FSHR: variants seen among roughly 807,000 people sequenced by gnomAD.
The protein encoded by FSHR is follicle stimulating hormone receptor.
FSHR carries 46 observed loss-of-function variants against 52.1 expected under a neutral mutation model. The observed-to-expected ratio is 0.88, with a 90% CI of 0.70 to 1.13. The LOEUF (loss-of-function observed/expected upper bound fraction) is 1.13, where lower values mean the gene tolerates loss of function less well. Ranked by LOEUF, FSHR falls within the 50% of genes most tolerant of loss-of-function variation. The pLI is 0.00. For missense variants in FSHR, 964 were observed against 834.6 expected (o/e 1.16, Z -1.91); for synonymous variants, 399 against 309.6 (o/e 1.29, Z -3.03).
intron 8 of FSHR, among the ~76,000 whole-genome samples, chr2:48,972,910 A>G (rs959601055): frequency 6.6e-5 from 10 of 152,320 alleles, no homozygotes; most frequent in East Asian, 1.9e-4. Flanking sequence ...ACAAATTTTT[A>G]TACTCCATGG....
intron 1 of FSHR, among the ~76,000 whole-genome samples, chr2:49,074,914 G>A (rs578214006): frequency 1.3e-5 from 2 of 152,198 alleles, no homozygotes; most frequent in East Asian, 1.9e-4. Flanking sequence ...AGGACATGAT[G>A]TTAAATGAAA....
At chr2:49,085,132 A>G (rs1483590718) in intron 1 of FSHR, among the ~76,000 whole-genome samples, 1 of 151,838 alleles carries the variant, frequency 6.6e-6, no homozygotes. Context: ...CAGCACATCA[A>G]AAAGCTTATC....
At chr2:48,980,409 C>T (rs897661841) in intron 8 of FSHR, among the ~76,000 whole-genome samples, 3 of 152,232 alleles carry the variant, frequency 2.0e-5, no homozygotes, top group African/African-American at 7.2e-5. Flanking sequence ...GATGCTTTCA[C>T]AGAGGCTCTC....
At chr2:49,138,817 A>G (rs185149453) in intron 1 of FSHR, among the ~76,000 whole-genome samples, 21 of 152,322 alleles carry the variant, frequency 1.4e-4, no homozygotes, top group African/African-American at 4.8e-4. Flanking sequence ...GCACACTTCA[A>G]ATGAGAAGAT....
intron 2 of FSHR, among the ~76,000 whole-genome samples, chr2:49,048,155 G>A (rs1028001141): frequency 2.0e-5 from 3 of 151,976 alleles, no homozygotes; most frequent in Non-Finnish European, 2.9e-5. Flanking sequence ...CAAAATGCTG[G>A]GATTACAGAT....
rs527461397 is a variant in FSHR, at chr2:48,967,221, G to A, written c.854+1477C>T. On this transcript the variant is annotated intron_variant, in intron 9 of 9. Transcript: ENST00000406846. ...AGTAATCCTCCCACTTTAGCCTCCC[G>A]AGTAGGTGGGACTACAGGCATGCGC... is the stretch of plus-strand genomic sequence containing the variant. Among the ~76,000 whole-genome samples, 89 of 152,016 alleles carry A rather than the reference G, an allele frequency of 5.9e-4. 1 individual carries two copies. The highest frequency in any genetic ancestry group is 1.8e-3 in the Admixed American group (27 of 15,276).
At chr2:48,973,272 G>A (rs1462413356) in intron 8 of FSHR, among the ~76,000 whole-genome samples, 11 of 120,488 alleles carry the variant, frequency 9.1e-5, no homozygotes, top group East Asian at 2.3e-4. Flanking sequence ...ACACACACAT[G>A]CACATGCAAA....
chr2:49,030,819 A>T (rs1490517240), intron 2 of FSHR, among the ~76,000 whole-genome samples: 11 of 152,258 alleles, frequency 7.2e-5, no homozygotes, highest in Middle Eastern at 3.4e-3. Flanking sequence ...TTATAGGCAA[A>T]AGCCCTACTC....
chr2:49,001,459 C>G (rs115056045), intron 4 of FSHR, among the ~76,000 whole-genome samples: 1,768 of 152,230 alleles, frequency 0.012, 26 homozygotes, highest in African/African-American at 0.039. Context: ...AGATTCGCAG[C>G]TAACAGAGTT....
At chr2:49,017,957 G>T (rs1268680038) in intron 3 of FSHR, among the ~76,000 whole-genome samples, 1 of 152,004 alleles carries the variant, frequency 6.6e-6, no homozygotes, top group Non-Finnish European at 1.5e-5. Flanking sequence ...ATGAGTGTTT[G>T]TCTGGTCGGG....
At chr2:49,099,642 A>T (rs933694632) in intron 1 of FSHR, among the ~76,000 whole-genome samples, 1 of 152,314 alleles carries the variant, frequency 6.6e-6, no homozygotes, top group East Asian at 1.9e-4. Flanking sequence ...GAAAATAGAC[A>T]TACAGGGAAA....
At chr2:49,078,069 TG>T (rs1257010615) in intron 1 of FSHR, among the ~76,000 whole-genome samples, 1 of 152,186 alleles carries the variant, frequency 6.6e-6, no homozygotes, top group Non-Finnish European at 1.5e-5. Flanking sequence ...CCCACTCTAC[TG>T]GTACAAATTT....
chr2:49,085,484 G>A (rs1670344887), intron 1 of FSHR, among the ~76,000 whole-genome samples: 1 of 152,214 alleles, frequency 6.6e-6, no homozygotes, highest in African/African-American at 2.4e-5. Context: ...AGTGTTGGAA[G>A]TTCTGGCCAG....
chr2:49,127,824 T>TCC (rs1672088838), intron 1 of FSHR, among the ~76,000 whole-genome samples: 1 of 55,552 alleles, frequency 1.8e-5, no homozygotes, highest in Non-Finnish European at 3.3e-5. Context: ...CTTCTTCTTC[T>TCC]TCTTCCTCTT....
At chr2:48,970,700 A>T (rs1674705308) in intron 8 of FSHR, among the ~76,000 whole-genome samples, 1 of 152,160 alleles carries the variant, frequency 6.6e-6, no homozygotes, top group Non-Finnish European at 1.5e-5. Flanking sequence ...AGGTCCACAT[A>T]ATCAGTTGTT....
At chr2:49,099,631 A>G (rs1039884179) in intron 1 of FSHR, among the ~76,000 whole-genome samples, 5 of 152,162 alleles carry the variant, frequency 3.3e-5, no homozygotes, top group Non-Finnish European at 5.9e-5. Flanking sequence ...ATATAAAAAT[A>G]GAAAATAGAC....
chr2:48,972,270 A>G (rs1013983004), intron 8 of FSHR, among the ~76,000 whole-genome samples: 3 of 152,188 alleles, frequency 2.0e-5, no homozygotes, highest in Non-Finnish European at 4.4e-5. Flanking sequence ...TATACCACAT[A>G]CATCTGGAAT....
At chr2:48,990,676 T>C in intron 4 of FSHR, 39 bp from the exon 5 acceptor site, 1 of 1,239,004 alleles carries the variant, frequency 8.1e-7, no homozygotes, top group Admixed American at 1.7e-5. Context: ...AAAATGAAAC[T>C]GGCTGTTTAA....
intron 1 of FSHR, among the ~76,000 whole-genome samples, chr2:49,080,538 C>A (rs1259616233): frequency 2.0e-5 from 3 of 151,998 alleles, no homozygotes; most frequent in African/African-American, 7.3e-5. Flanking sequence ...CTGCATGCAA[C>A]CAGCTGGAAA....
Sources: gnomAD v4.1 joint callset for allele counts (sites outside exome capture counted in the v4.1 genomes callset) on GRCh38, gnomAD v4.1.1 for gene constraint, MANE v1.5 for transcripts, NCBI Gene and HGNC (gene_info 2026-07-23, HGNC 2026-07-21) for gene names.